The following RASSF5 variants were observed in gnomAD, a reference collection of about 807,000 sequenced individuals.
The protein encoded by RASSF5 is Ras association domain family member 5, also known as ras association domain-containing protein 5.
In RASSF5, 25 loss-of-function variants were observed where a neutral mutation model predicts 40.5. The observed-to-expected ratio is 0.62, with a 90% CI of 0.45 to 0.86. The LOEUF (loss-of-function observed/expected upper bound fraction) is 0.86, where lower values mean the gene tolerates loss of function less well. RASSF5 is among the 40% of genes least tolerant of loss of function. The probability of loss-of-function intolerance (pLI) is 0.00; values close to 1 mark genes in which losing one functional copy is unlikely to be tolerated. For missense variants in RASSF5, 521 were observed against 572.8 expected (o/e 0.91, Z 0.92); for synonymous variants, 246 against 252.4 (o/e 0.97, Z 0.24).
rs1311918548 is a variant in RASSF5 at position 206,552,053 on chromosome 1, CTCAGCTATCTTCAGTAGG to C, written c.579+13762_579+13779del. On this transcript the variant is annotated intron_variant, in intron 2 of 5. Transcript: ENST00000579436. This position sits in a 1 kb window ranked among gnomAD's most constrained non-coding sequence, Gnocchi z 4.1. Reference sequence around the variant, plus strand: ...TTGAGGGTGTGGACAACTGGGGTAACTCAGCTATCTTCAGTAGGTTCAGTGTCAAGGCCTATCGAAGCT... The same window carrying C: ...TTGAGGGTGTGGACAACTGGGGTAACTTCAGTGTCAAGGCCTATCGAAGCT... Among the ~76,000 whole-genome samples, 1 of 152,238 alleles carries C rather than the reference CTCAGCTATCTTCAGTAGG, an allele frequency of 6.6e-6. No homozygotes were observed. Among genetic ancestry groups the C allele is most frequent in the Non-Finnish European group, 1.5e-5 (1 of 68,044 alleles).
chr1:206,563,678 CAT>C (rs1553402991), intron 2 of RASSF5, among the ~76,000 whole-genome samples: 1 of 152,178 alleles, frequency 6.6e-6, no homozygotes, highest in African/African-American at 2.4e-5. Flanking sequence ...AGGTGATTCT[CAT>C]ATATGCTGCA....
At chr1:206,542,315 C>G (rs912227192) in intron 2 of RASSF5, 1 of 152,138 alleles carries the variant, frequency 6.6e-6, no homozygotes, top group Non-Finnish European at 1.5e-5. Flanking sequence ...AATGAGCTCT[C>G]GCTCTATTAG....
intron 2 of RASSF5, among the ~76,000 whole-genome samples, chr1:206,564,961 C>T (rs530523024): frequency 6.6e-6 from 1 of 152,280 alleles, no homozygotes; most frequent in Non-Finnish European, 1.5e-5. Context: ...CCTCTTCTCC[C>T]ACAGCATCCC....
rs782332774 is a variant in RASSF5, at chr1:206,507,946, T to G, written c.344T>G (p.Val115Gly). 458 of 1,523,800 alleles carry G rather than the reference T, an allele frequency of 3.0e-4. No homozygotes were observed. The highest frequency in any genetic ancestry group is 3.9e-4 in the Non-Finnish European group (444 of 1,143,214). 94.4% of individuals were successfully genotyped at this position (1,523,800 alleles called of 1,614,324 possible). Reference protein sequence around the residue: ...SIFEQPQDPRVPAERGEGHCF... With the variant: ...SIFEQPQDPRGPAERGEGHCF... Reference sequence around the variant, plus strand: ...TTCGAGCAGCCGCAGGATCCCAGAGTCCCGGCGGAGCGAGGCGAGGGGCAC... The same window carrying G: ...TTCGAGCAGCCGCAGGATCCCAGAGGCCCGGCGGAGCGAGGCGAGGGGCAC... Residue 115 changes from valine to glycine, a missense_variant, in exon 1 of 6, where the codon GTC (valine) becomes GGC (glycine). Coordinates refer to ENST00000579436, the MANE Select transcript of RASSF5 (RefSeq NM_182663.4).
At chr1:206,582,486 T>A (rs1217165805) in intron 2 of RASSF5, among the ~76,000 whole-genome samples, 1 of 152,190 alleles carries the variant, frequency 6.6e-6, no homozygotes, top group Non-Finnish European at 1.5e-5. Context: ...TAATAAACTA[T>A]CTTACAGACT....
In RASSF5 at chr1:206,531,952, T is replaced by C. The variant is rs1667247560; in HGVS notation, c.458-6220T>C. ...CTGTAATGCCAGCTGCTTGGGAGGC[T>C]GAGGCAGGAGAATGGCGTGAACCCG... On this transcript the variant is annotated intron_variant, in intron 1 of 5. Coordinates refer to ENST00000579436, the MANE Select transcript of RASSF5 (RefSeq NM_182663.4). The surrounding 1 kb of genome is among the most constrained non-coding windows in gnomAD (Gnocchi z 4.7). Among the ~76,000 whole-genome samples, 1 of 151,766 alleles carries C rather than the reference T, an allele frequency of 6.6e-6. No homozygotes were observed. The highest frequency in any genetic ancestry group is 2.4e-5 in the African/African-American group (1 of 41,222).
chr1:206,518,834 G>A (rs527785566), intron 1 of RASSF5, among the ~76,000 whole-genome samples: 7 of 151,124 alleles, frequency 4.6e-5, no homozygotes, highest in East Asian at 3.9e-4. Context: ...AGGGCCAAGC[G>A]GTCGTCTTAA....
intron 1 of RASSF5, among the ~76,000 whole-genome samples, chr1:206,530,745 G>A (rs1448573765): frequency 6.6e-6 from 1 of 152,242 alleles, no homozygotes; most frequent in African/African-American, 2.4e-5. Context: ...ACCCCTTACA[G>A]ACTCTAAGCA....
At chr1:206,517,250 G>C (rs1277907492) in intron 1 of RASSF5, among the ~76,000 whole-genome samples, 2 of 152,284 alleles carry the variant, frequency 1.3e-5, no homozygotes, top group Middle Eastern at 3.4e-3. Context: ...GAGGCAGGAT[G>C]ATCTCTTGAG....
chr1:206,527,551 A>C (rs929562966), intron 1 of RASSF5, among the ~76,000 whole-genome samples: 1 of 152,192 alleles, frequency 6.6e-6, no homozygotes, highest in African/African-American at 2.4e-5. Flanking sequence ...CAGAGCAGGC[A>C]GACAGTATGG....
At position 206,529,601 on chromosome 1, in the gene RASSF5, C is replaced by T. The variant is rs535332828; in HGVS notation, c.458-8571C>T. The T allele has an allele frequency of 6.1e-5, 47 of 775,182 alleles. No homozygotes were observed. In the South Asian group the frequency reaches 6.2e-4, roughly 10 times the overall value. 48.0% of individuals were successfully genotyped at this position (775,182 alleles called of 1,614,324 possible). On this transcript the variant is annotated intron_variant, in intron 1 of 5. Transcript: ENST00000579436. ...CCGATTACAATGACAGATACAATGACATCCACTGTCACTGGGGCGGCAATG... is the reference window on the plus strand; with the variant it reads ...CCGATTACAATGACAGATACAATGATATCCACTGTCACTGGGGCGGCAATG...
At chr1:206,575,379 G>C (rs1553405003) in intron 2 of RASSF5, among the ~76,000 whole-genome samples, 4 of 152,174 alleles carry the variant, frequency 2.6e-5, no homozygotes, top group African/African-American at 9.7e-5. Context: ...TGTGGCAAAG[G>C]CTCATGGTGA....
rs1396600878 is a variant in RASSF5, at chr1:206,552,910, A to G, written c.579+14617A>G. Among the ~76,000 whole-genome samples, 1 of 152,200 alleles carries G rather than the reference A, an allele frequency of 6.6e-6. No individual in the cohort carries two copies. The highest frequency in any genetic ancestry group is 2.4e-5 in the African/African-American group (1 of 41,438). ...CTCAGTCTAGTGCTTGCCTGAAGAA[A>G]GTGCTCAGTAAGGCTGGGCGCGGTG... On this transcript the variant is annotated intron_variant, in intron 2 of 5. Transcript: ENST00000579436. The surrounding 1 kb of genome is among the most constrained non-coding windows in gnomAD (Gnocchi z 4.1).
chr1:206,507,801 CG>C lies in RASSF5; in HGVS notation c.204del (p.Asn69ThrfsTer97), dbSNP rs1553394015. 7.2e-7 allele frequency: 1 copy of C among 1,397,238 alleles called. No homozygotes were observed. The highest frequency in any genetic ancestry group is 3.5e-5 in the Admixed American group (1 of 28,548). The allele number at this position is 1,397,238 out of a possible 1,614,324, so 86.6% of individuals were successfully genotyped here. A position where few individuals can be genotyped will look rare whatever the true frequency, so the allele number is the denominator to read the frequency against. ...GGGGCGCAGCGCCCGGAGGGCTGCC[CG>C]GGGGAACCTGGAGCCCCCGCCCCGG... is the stretch of plus-strand genomic sequence containing the variant. ...REGRSARRAARGNLEPPPRAS... is the reference protein window; with the variant it reads ...REGRSARRAAXGNLEPPPRAS... On this transcript the variant is annotated frameshift_variant, in exon 1 of 6. Transcript: ENST00000579436. LOFTEE classifies it high-confidence loss of function.
chr1:206,577,586 C>T (rs1000085991), intron 2 of RASSF5, among the ~76,000 whole-genome samples: 5 of 152,232 alleles, frequency 3.3e-5, no homozygotes, highest in Non-Finnish European at 5.9e-5. Context: ...GCCCAACACA[C>T]ACTTGTGTTC....
At chr1:206,573,136 A>G (rs995672242) in intron 2 of RASSF5, among the ~76,000 whole-genome samples, 19 of 152,230 alleles carry the variant, frequency 1.2e-4, no homozygotes, top group Admixed American at 1.1e-3. Context: ...ATCTCATTTC[A>G]TCTTCACAAC....
intron 2 of RASSF5, among the ~76,000 whole-genome samples, chr1:206,576,679 G>C (rs954580792): frequency 7.9e-5 from 12 of 152,242 alleles, no homozygotes; most frequent in Non-Finnish European, 1.5e-4. Flanking sequence ...CTATAGACTG[G>C]AGAAATTGCA....
rs567810472 is a variant in RASSF5 at position 206,570,428 on chromosome 1, C to T, written c.580-12841C>T. ...CATTCTTAAGTGCATAGTGCAGTGA[C>T]GTTAAGTATAACCTCACATTGTTGT... On this transcript the variant is annotated intron_variant, in intron 2 of 5. Coordinates refer to ENST00000579436, the MANE Select transcript of RASSF5 (RefSeq NM_182663.4). Among the ~76,000 whole-genome samples, 12 of 152,190 alleles carry T rather than the reference C, an allele frequency of 7.9e-5. No individual in the cohort carries two copies. The South Asian group carries it at 1.0e-3, about 13-fold the overall frequency.
chr1:206,564,247 A>G (rs1668223752), intron 2 of RASSF5, among the ~76,000 whole-genome samples: 1 of 152,084 alleles, frequency 6.6e-6, no homozygotes, highest in African/African-American at 2.4e-5. Context: ...GACTTCCCCT[A>G]GGGAGGGGTC....
Sources: gnomAD v4.1 joint callset for allele counts (sites outside exome capture counted in the v4.1 genomes callset) on GRCh38, gnomAD v4.1.1 for gene constraint, Gnocchi (gnomAD v3.1) non-coding constraint, MANE v1.5 for transcripts, NCBI Gene and HGNC (gene_info 2026-07-23, HGNC 2026-07-21) for gene names.